MYRIP: variants seen among roughly 807,000 people sequenced by gnomAD.
MYRIP encodes myosin VIIA and Rab interacting protein.
MYRIP carries 49 observed loss-of-function variants against 98.0 expected under a neutral mutation model. The ratio of observed to expected loss-of-function variants is 0.50; its 90% CI spans 0.40 to 0.63. The LOEUF is 0.63. Among genes scored for constraint, MYRIP ranks in the 30% least tolerant of loss-of-function variants. MYRIP has a pLI of 0.00. For synonymous variants in MYRIP, 404 were observed against 409.5 expected (o/e 0.99, Z 0.16); for missense variants, 1,004 against 1,058.2 (o/e 0.95, Z 0.71).
chr3:39,848,260 A>G (rs1942028286), intron 1 of MYRIP, among the ~76,000 whole-genome samples: 1 of 152,198 alleles, frequency 6.6e-6, no homozygotes, highest in African/African-American at 2.4e-5. Context: ...GATATTCTTA[A>G]TGGCTGCTTC....
intron 3 of MYRIP, among the ~76,000 whole-genome samples, chr3:40,113,969 A>G (rs1040863717): frequency 1.3e-5 from 2 of 152,198 alleles, no homozygotes; most frequent in African/African-American, 4.8e-5. Flanking sequence ...GATTACAGGC[A>G]TGAACCACCG....
At chr3:39,971,155 G>T (rs1945571112) in intron 2 of MYRIP, among the ~76,000 whole-genome samples, 1 of 152,080 alleles carries the variant, frequency 6.6e-6, no homozygotes, top group Admixed American at 6.6e-5. Context: ...AGTTAGTAAA[G>T]CTTGTTAATG....
chr3:40,053,255 G>C (rs1262081942), intron 3 of MYRIP, among the ~76,000 whole-genome samples: 1 of 152,082 alleles, frequency 6.6e-6, no homozygotes, highest in Non-Finnish European at 1.5e-5. Flanking sequence ...CCACTGAAGG[G>C]GACATGTATT....
intron 12 of MYRIP, among the ~76,000 whole-genome samples, chr3:40,242,814 C>T (rs1953065293): frequency 6.6e-6 from 1 of 151,682 alleles, no homozygotes; most frequent in South Asian, 2.1e-4. Context: ...AACTTCAAAC[C>T]TCTCTCTCTG....
At chr3:40,218,624 A>ATATATATTT (rs1553629244) in intron 11 of MYRIP, among the ~76,000 whole-genome samples, 8 of 12,280 alleles carry the variant, frequency 6.5e-4, no homozygotes, top group African/African-American at 1.1e-3. Context: ...ATATATATAT[A>ATATATATTT]TATATATATA....
chr3:40,100,227 G>T, intron 3 of MYRIP: 1 of 985,360 alleles, frequency 1.0e-6, no homozygotes, highest in Non-Finnish European at 1.2e-6. Flanking sequence ...GAAGAGCTTG[G>T]CAGAAAGAAA....
chr3:40,234,196 G>A (rs1170342686), intron 12 of MYRIP, 143 bp downstream of exon 12: 3 of 888,850 alleles, frequency 3.4e-6, no homozygotes, highest in African/African-American at 3.5e-5. Context: ...TTCTCAGGAA[G>A]GACCTTAGGT....
intron 1 of MYRIP, among the ~76,000 whole-genome samples, chr3:39,828,257 T>G (rs1575279541): frequency 1.3e-5 from 2 of 152,158 alleles, no homozygotes; most frequent in Non-Finnish European, 2.9e-5. Context: ...CCATAAATTC[T>G]GTAGGCCTTC....
At chr3:40,124,633 G>A (rs1466101890) in intron 3 of MYRIP, among the ~76,000 whole-genome samples, 1 of 152,202 alleles carries the variant, frequency 6.6e-6, no homozygotes, top group East Asian at 1.9e-4. Flanking sequence ...GAGAAAGGCT[G>A]GCTTTTCAAG....
At chr3:40,161,954 C>T (rs1260889015) in intron 4 of MYRIP, among the ~76,000 whole-genome samples, 1 of 152,124 alleles carries the variant, frequency 6.6e-6, no homozygotes, top group Non-Finnish European at 1.5e-5. Flanking sequence ...CCCCAGGTCA[C>T]CTCACCAGAG....
chr3:40,156,622 T>A (rs1950248021), intron 4 of MYRIP, among the ~76,000 whole-genome samples: 1 of 151,668 alleles, frequency 6.6e-6, no homozygotes, highest in East Asian at 1.9e-4. Context: ...TTCCTACCCA[T>A]GAGCATGGAA....
Position 40,055,365 on chromosome 3 carries a change from A to G in MYRIP, c.332+11094A>G, listed in dbSNP as rs528804748. 2.3e-3 allele frequency among the ~76,000 whole-genome samples: 351 copies of G among 152,286 alleles called. 4 individuals carry two copies. Among genetic ancestry groups the G allele is most frequent in the Non-Finnish European group, 1.0e-3 (68 of 68,014 alleles). On this transcript the variant is annotated intron_variant, in intron 3 of 16. Transcript: ENST00000302541. ...TTATCTTTTGTTCAAGTGCCAGTAT[A>G]AAAAGGCTATCAAATAGAAAACAAA...
intron 2 of MYRIP, among the ~76,000 whole-genome samples, chr3:39,938,449 C>T (rs1272008461): frequency 6.6e-6 from 1 of 152,064 alleles, no homozygotes; most frequent in African/African-American, 2.4e-5. Context: ...ATTCTATATT[C>T]TTATGACCCT....
intron 2 of MYRIP, among the ~76,000 whole-genome samples, chr3:40,031,023 T>G (rs1252847915): frequency 6.6e-6 from 1 of 152,082 alleles, no homozygotes; most frequent in African/African-American, 2.4e-5. Flanking sequence ...AAAGGAAAAT[T>G]CCTAGAGGGT....
chr3:39,857,643 A>G (rs1345004143), intron 1 of MYRIP, among the ~76,000 whole-genome samples: 1 of 152,188 alleles, frequency 6.6e-6, no homozygotes, highest in Non-Finnish European at 1.5e-5. Flanking sequence ...CAACTCTGAT[A>G]TAAGAGTTAA....
At chr3:39,944,831 A>C (rs1475558601) in intron 2 of MYRIP, among the ~76,000 whole-genome samples, 1 of 152,094 alleles carries the variant, frequency 6.6e-6, no homozygotes, top group Non-Finnish European at 1.5e-5. Context: ...ATGAGTTTCT[A>C]CTTCTACTTC....
At chr3:39,999,470 A>G (rs1946459633) in intron 2 of MYRIP, among the ~76,000 whole-genome samples, 1 of 152,234 alleles carries the variant, frequency 6.6e-6, no homozygotes, top group African/African-American at 2.4e-5. Context: ...CAAAACCACA[A>G]TGAGATACCA....
chr3:39,853,786 T>C (rs1316537837), intron 1 of MYRIP, among the ~76,000 whole-genome samples: 2 of 152,218 alleles, frequency 1.3e-5, no homozygotes, highest in Non-Finnish European at 2.9e-5. Context: ...ATTTTTGTTT[T>C]TGTTGCATTT....
chr3:40,070,196 A>G (rs902175058), intron 3 of MYRIP, among the ~76,000 whole-genome samples: 1 of 152,208 alleles, frequency 6.6e-6, no homozygotes, highest in Non-Finnish European at 1.5e-5. Context: ...ACTTCCAAGC[A>G]AAGCAAGTAT....
Sources: allele counts gnomAD v4.1 joint callset (sites outside exome capture counted in the v4.1 genomes callset), GRCh38; gene constraint gnomAD v4.1.1; transcripts MANE v1.5; gene names NCBI Gene and HGNC (gene_info 2026-07-23, HGNC 2026-07-21).